Variants in PRDM16 observed in about 807,000 individuals in gnomAD.
PRDM16 encodes the protein histone-lysine N-methyltransferase PRDM16.
A neutral mutation model predicts 110.6 loss-of-function variants in PRDM16; 23 were observed. The observed-to-expected ratio is 0.21, with a 90% CI of 0.15 to 0.29. The LOEUF (loss-of-function observed/expected upper bound fraction) is 0.29. Among genes scored for constraint, PRDM16 ranks in the 10% least tolerant of loss-of-function variants. PRDM16 has a pLI of 1.00. For synonymous variants in PRDM16, 799 were observed against 781.8 expected (o/e 1.02, Z -0.37); for missense variants, 1,615 against 1,794.3 (o/e 0.90, Z 1.81).
At chr1:3,334,253 G>A (rs911946279) in intron 3 of PRDM16, among the ~76,000 whole-genome samples, 7 of 152,196 alleles carry the variant, frequency 4.6e-5, no homozygotes, top group Non-Finnish European at 8.8e-5. Flanking sequence ...GCTTCCAGAC[G>A]ATGAACTGCA....
rs531293926 is a variant in PRDM16 at position 3,126,675 on chromosome 1, T to C, written c.37+57379T>C. On this transcript the variant is annotated intron_variant, in intron 1 of 16. Coordinates refer to ENST00000270722, the MANE Select transcript of PRDM16 (RefSeq NM_022114.4). ...CTGGGCTCTGTCAGGGACCCTGCCCTGTAGGGCTGGTGCTTCTGGAGTGAG... is the reference window on the plus strand; with the variant it reads ...CTGGGCTCTGTCAGGGACCCTGCCCCGTAGGGCTGGTGCTTCTGGAGTGAG... Among the ~76,000 whole-genome samples the C allele has an allele frequency of 1.3e-3, 194 of 152,282 alleles. 5 individuals are homozygous for C. In the South Asian group the frequency reaches 0.039, roughly 31 times the overall value.
rs1039786826 is a variant in PRDM16 at position 3,390,707 on chromosome 1, G to A, written c.573+5421G>A. 8.5e-5 allele frequency among the ~76,000 whole-genome samples: 13 copies of A among 152,144 alleles called. No homozygotes were observed. Among genetic ancestry groups the A allele is most frequent in the Non-Finnish European group, 5.9e-5 (4 of 68,036 alleles). On this transcript the variant is annotated intron_variant, in intron 4 of 16. Transcript: ENST00000270722. The surrounding 1 kb of genome is among the most constrained non-coding windows in gnomAD (Gnocchi z 5.0). ...TCCTGGGCTCTGACCCGGGTCCCGC[G>A]TTTCTGTCTGGGCGTGTGCCCTGTC... is the stretch of plus-strand genomic sequence containing the variant.
chr1:3,320,101 G>A (rs960799929), intron 3 of PRDM16, among the ~76,000 whole-genome samples: 1 of 152,190 alleles, frequency 6.6e-6, no homozygotes, highest in African/African-American at 2.4e-5. Context: ...CCTGGATATA[G>A]AACCGGGCAG....
At chr1:3,415,701 G>A (rs954739846) in intron 10 of PRDM16, among the ~76,000 whole-genome samples, 3 of 152,192 alleles carry the variant, frequency 2.0e-5, no homozygotes, top group Admixed American at 2.0e-4. Context: ...GGAGCCCAGC[G>A]GGGGGCAGTT....
intron 1 of PRDM16, among the ~76,000 whole-genome samples, chr1:3,162,835 C>T (rs998661199): frequency 4.7e-5 from 7 of 150,462 alleles, no homozygotes; most frequent in African/African-American, 1.2e-4. Flanking sequence ...GCGGCACCTC[C>T]GCAGGAGTGG....
At chr1:3,191,032 G>C (rs1198752139) in intron 2 of PRDM16, among the ~76,000 whole-genome samples, 1 of 152,120 alleles carries the variant, frequency 6.6e-6, no homozygotes, top group Non-Finnish European at 1.5e-5. Flanking sequence ...TTTGCTCACT[G>C]CATCAGCCAC....
chr1:3,088,986 T>C (rs1642213020), intron 1 of PRDM16, among the ~76,000 whole-genome samples: 1 of 151,356 alleles, frequency 6.6e-6, no homozygotes, highest in Admixed American at 6.6e-5. Flanking sequence ...TTTCACCATG[T>C]TGGCCAGGCT....
At position 3,365,520 on chromosome 1, in the gene PRDM16, C is replaced by T. The variant is rs970940909; in HGVS notation, c.439-19632C>T. On this transcript the variant is annotated intron_variant, in intron 3 of 16. Coordinates refer to ENST00000270722, the MANE Select transcript of PRDM16 (RefSeq NM_022114.4). ...AGCCCCACTGTATTCCACCACAGGA[C>T]CTGAAAGAGCTCTGGACCATGGGGT... Among the ~76,000 whole-genome samples the T allele has an allele frequency of 2.0e-5, 3 of 152,248 alleles. No homozygotes were observed. In the East Asian group the frequency reaches 5.8e-4, roughly 29 times the overall value.
At chr1:3,317,800 T>A (rs142515419) in intron 3 of PRDM16, among the ~76,000 whole-genome samples, 2,776 of 152,354 alleles carry the variant, frequency 0.018, 69 homozygotes, top group Non-Finnish European at 0.023. Context: ...TCCCTTTTAA[T>A]AGAGACCCAG....
chr1:3,221,761 T>C (rs972543510), intron 2 of PRDM16, among the ~76,000 whole-genome samples: 3 of 152,190 alleles, frequency 2.0e-5, no homozygotes. Context: ...GTGCAAACAG[T>C]GACATGCATG....
chr1:3,145,169 C>T (rs1643622058), intron 1 of PRDM16, among the ~76,000 whole-genome samples: 1 of 152,210 alleles, frequency 6.6e-6, no homozygotes, highest in African/African-American at 2.4e-5. Context: ...TGCCTGGTGT[C>T]AGCAGGAAAC....
At chr1:3,108,635 G>A (rs1642718474) in intron 1 of PRDM16, among the ~76,000 whole-genome samples, 2 of 152,304 alleles carry the variant, frequency 1.3e-5, no homozygotes, top group African/African-American at 2.4e-5. Context: ...TGGAGGGGTG[G>A]AGGAAACCAA....
chr1:3,366,865 G>A (rs78880955), intron 3 of PRDM16, among the ~76,000 whole-genome samples: 4,029 of 152,218 alleles, frequency 0.026, 172 homozygotes, highest in African/African-American at 0.089. Flanking sequence ...CAGTCTACCC[G>A]GTCTGTAGTG....
In PRDM16 at chr1:3,350,986, T is replaced by A. The variant is rs915052764; in HGVS notation, c.439-34166T>A. ...CAAGTCAGAAGACCATTTCCAAAAATAGCCAGCAGAGAGCGGGAACTGTCT... is the reference window on the plus strand; with the variant it reads ...CAAGTCAGAAGACCATTTCCAAAAAAAGCCAGCAGAGAGCGGGAACTGTCT... On this transcript the variant is annotated intron_variant, in intron 3 of 16. Coordinates refer to ENST00000270722, the MANE Select transcript of PRDM16 (RefSeq NM_022114.4). The surrounding 1 kb of genome is among the most constrained non-coding windows in gnomAD (Gnocchi z 7.1). Among the ~76,000 whole-genome samples the A allele has an allele frequency of 6.6e-6, 1 of 152,136 alleles. No individual in the cohort carries two copies. The highest frequency in any genetic ancestry group is 1.5e-5 in the Non-Finnish European group (1 of 68,000).
intron 3 of PRDM16, among the ~76,000 whole-genome samples, chr1:3,287,829 C>T (rs1032625596): frequency 2.0e-5 from 3 of 150,188 alleles, no homozygotes; most frequent in Non-Finnish European, 3.0e-5. Flanking sequence ...TTGCATTTAC[C>T]GGGACTGCAG....
rs758382697 is a variant in PRDM16 at position 3,069,340 on chromosome 1, G to C, written c.37+44G>C. The C allele has an allele frequency of 2.9e-5, 30 of 1,017,064 alleles. No individual in the cohort carries two copies. Among genetic ancestry groups the C allele is most frequent in the Admixed American group, 2.4e-4 (4 of 16,676 alleles). 63.0% of individuals were successfully genotyped at this position (1,017,064 alleles called of 1,614,324 possible). A position where few individuals can be genotyped will look rare whatever the true frequency, so the allele number is the denominator to read the frequency against. ...GCCGCGCCGCGCCGCCGGGGCCCGG[G>C]CCGCCGGGCCGGGGCGCCCGGGCCA... On this transcript the variant is annotated intron_variant, in intron 1 of 16. Coordinates refer to ENST00000270722, the MANE Select transcript of PRDM16 (RefSeq NM_022114.4). The surrounding 1 kb of genome is among the most constrained non-coding windows in gnomAD (Gnocchi z 6.1).
At position 3,339,758 on chromosome 1, in the gene PRDM16, C is replaced by G. The variant is rs1228639482; in HGVS notation, c.439-45394C>G. On this transcript the variant is annotated intron_variant, in intron 3 of 16. Coordinates refer to ENST00000270722, the MANE Select transcript of PRDM16 (RefSeq NM_022114.4). This position sits in a 1 kb window ranked among gnomAD's most constrained non-coding sequence, Gnocchi z 5.0. Reference sequence around the variant, plus strand: ...TGTGGGAGACGGGGCTAAACTCCCCCCTCACCTGCCTCACCATTCCCTTCC... The same window carrying G: ...TGTGGGAGACGGGGCTAAACTCCCCGCTCACCTGCCTCACCATTCCCTTCC... 6.6e-6 allele frequency among the ~76,000 whole-genome samples: 1 copy of G among 152,188 alleles called. No homozygotes were observed. Among genetic ancestry groups the G allele is most frequent in the Non-Finnish European group, 1.5e-5 (1 of 68,030 alleles).
chr1:3,094,246 C>T (rs1642341736), intron 1 of PRDM16, among the ~76,000 whole-genome samples: 1 of 152,222 alleles, frequency 6.6e-6, no homozygotes, highest in Non-Finnish European at 1.5e-5. Flanking sequence ...GGCGCACAGG[C>T]AGCAGGCACC....
rs1371338179 is a variant in PRDM16, at chr1:3,433,739, T to C, written c.3759T>C (p.Ser1253=). Residue 1253 remains serine, a synonymous_variant, in exon 17 of 17, where the codon TCT becomes TCC. Transcript: ENST00000270722. The part of the protein sequence containing the change: ...DTPLHTPSQG[S]LDAWLKVTGA... ...CTCTCCACACCCCCTCCCAGGGTTC[T>C]CTGGACGCTTGGTTGAAGGTCACTG... 6.2e-7 allele frequency: 1 copy of C among 1,614,012 alleles called. No individual in the cohort carries two copies. The highest frequency in any genetic ancestry group is 1.7e-5 in the Admixed American group (1 of 60,034).
Sources: gnomAD v4.1 joint callset for allele counts (sites outside exome capture counted in the v4.1 genomes callset) on GRCh38, gnomAD v4.1.1 for gene constraint, Gnocchi (gnomAD v3.1) non-coding constraint, MANE v1.5 for transcripts, NCBI Gene and HGNC (gene_info 2026-07-23, HGNC 2026-07-21) for gene names.